The following PRDM16 variants were observed in gnomAD, a reference collection of about 807,000 sequenced individuals.
PRDM16 encodes PR/SET domain 16, also known as histone-lysine N-methyltransferase PRDM16.
A neutral mutation model predicts 110.6 loss-of-function variants in PRDM16; 23 were observed. The observed-to-expected ratio is 0.21, with a 90% confidence interval of 0.15 to 0.29. PRDM16 has a LOEUF of 0.29. Ranked by LOEUF, PRDM16 falls within the 10% of genes least tolerant of loss-of-function variation. PRDM16 has a pLI of 1.00. For missense variants in PRDM16, 1,615 were observed against 1,794.3 expected (o/e 0.90, Z 1.81); for synonymous variants, 799 against 781.8 (o/e 1.02, Z -0.37).
At chr1:3,329,373 C>T (rs988515508) in intron 3 of PRDM16, among the ~76,000 whole-genome samples, 1 of 152,182 alleles carries the variant, frequency 6.6e-6, no homozygotes, top group Admixed American at 6.5e-5. Context: ...CACCCCCCAC[C>T]CCTTCCCGAC....
At position 3,213,816 on chromosome 1, in the gene PRDM16, G is replaced by A. The variant is rs12065789; in HGVS notation, c.387+27342G>A. On this transcript the variant is annotated intron_variant, in intron 2 of 16. Transcript: ENST00000270722. The surrounding 1 kb of genome is among the most constrained non-coding windows in gnomAD (Gnocchi z 5.3). ...CCAGGGCCGTAGACCAAGGACTCCC[G>A]AGGCCAAGCCGGTGCCTTCCCAGGA... 7.3e-3 allele frequency among the ~76,000 whole-genome samples: 1,115 copies of A among 152,174 alleles called. 16 individuals are homozygous for A. The highest frequency in any genetic ancestry group is 0.025 in the African/African-American group (1,054 of 41,510).
chr1:3,261,963 C>G (rs1047324544), intron 3 of PRDM16, among the ~76,000 whole-genome samples: 1 of 152,248 alleles, frequency 6.6e-6, no homozygotes, highest in African/African-American at 2.4e-5. Context: ...CTTTCCTTTT[C>G]TAAGCCACCT....
At chr1:3,298,446 C>T (rs1025408291) in intron 3 of PRDM16, among the ~76,000 whole-genome samples, 2 of 152,196 alleles carry the variant, frequency 1.3e-5, no homozygotes, top group African/African-American at 4.8e-5. Context: ...CTTCGTTGCT[C>T]GATGGAGGCA....
At chr1:3,140,915 C>A (rs1008503015) in intron 1 of PRDM16, among the ~76,000 whole-genome samples, 1 of 152,164 alleles carries the variant, frequency 6.6e-6, no homozygotes, top group Non-Finnish European at 1.5e-5. Flanking sequence ...GAGAAGCAGG[C>A]GGTCGGAGAA....
At chr1:3,383,449 TCTGC>T (rs1345598975) in intron 3 of PRDM16, among the ~76,000 whole-genome samples, 1 of 152,178 alleles carries the variant, frequency 6.6e-6, no homozygotes, top group African/African-American at 2.4e-5. Flanking sequence ...CTCGAGGCCC[TCTGC>T]CTGTCTCTGC....
chr1:3,295,596 G>A (rs887737511), intron 3 of PRDM16, among the ~76,000 whole-genome samples: 8 of 152,166 alleles, frequency 5.3e-5, no homozygotes, highest in Non-Finnish European at 4.4e-5. Flanking sequence ...CCGTAACTCA[G>A]GAGCCGAGCG....
intron 2 of PRDM16, among the ~76,000 whole-genome samples, chr1:3,228,558 A>C (rs1639341887): frequency 6.6e-6 from 1 of 152,218 alleles, no homozygotes; most frequent in African/African-American, 2.4e-5. Context: ...CAAGATGGGC[A>C]TAAAGTTGAA....
At chr1:3,334,359 G>A (rs562699924) in intron 3 of PRDM16, among the ~76,000 whole-genome samples, 1 of 152,290 alleles carries the variant, frequency 6.6e-6, no homozygotes, top group African/African-American at 2.4e-5. Context: ...GGGCACAAAG[G>A]CCAGGGGGAG....
At chr1:3,303,221 C>T (rs1309733952) in intron 3 of PRDM16, among the ~76,000 whole-genome samples, 1 of 151,790 alleles carries the variant, frequency 6.6e-6, no homozygotes, top group Non-Finnish European at 1.5e-5. Context: ...GCAGCCCCTC[C>T]CAGTTTCTCC....
In PRDM16 at chr1:3,411,979, G is replaced by A; in HGVS notation, c.1782G>A (p.Arg594=). ...EDSCVEKLKT[R]SSDMSDGSDF... The stretch of plus-strand genomic sequence containing the variant: ...CCTGTGTGGAGAAGCTGAAGACCAG[G>A]AGCAGCGACATGTCGGACGGCAGTG... The change falls in exon 9 of 17, where the codon AGG becomes AGA. Residue 594 remains arginine, a synonymous_variant. Transcript: ENST00000270722. The A allele has an allele frequency of 1.2e-6, 2 of 1,613,682 alleles. No homozygotes were observed. Among genetic ancestry groups the A allele is most frequent in the Non-Finnish European group, 1.7e-6 (2 of 1,179,988 alleles).
chr1:3,162,662 CAG>C (rs1643909275), intron 1 of PRDM16, among the ~76,000 whole-genome samples: 1 of 152,246 alleles, frequency 6.6e-6, no homozygotes, highest in Non-Finnish European at 1.5e-5. Context: ...GGAGGCGAAT[CAG>C]GGAGCAGATG....
At chr1:3,343,503 A>C (rs1350711132) in intron 3 of PRDM16, among the ~76,000 whole-genome samples, 1 of 124,572 alleles carries the variant, frequency 8.0e-6, no homozygotes, top group Admixed American at 8.1e-5. Context: ...CTTTGTTCAG[A>C]CTTTTTTTTT....
chr1:3,309,105 A>G, intron 3 of PRDM16: 1 of 152,066 alleles, frequency 6.6e-6, no homozygotes, highest in Non-Finnish European at 1.5e-5. Flanking sequence ...CACTCATTCC[A>G]TCCCAGGTTT....
Position 3,431,053 on chromosome 1 carries a change from G to A in PRDM16, c.3466G>A (p.Glu1156Lys). The change falls in exon 15 of 17, where the codon GAG becomes AAG. Residue 1156 changes from glutamate (E) to lysine (K), a missense_variant. Glu to Lys is a moderately conservative substitution (Grantham distance 56, BLOSUM62 1). Transcript: ENST00000270722. The stretch of plus-strand genomic sequence containing the variant: ...CGAGCCCCAGGCCGCCTACGAGGAT[G>A]AGGAGGATGAGGAGCCAGCCGCCTC... ...APEPQAAYED[E>K]EDEEPAASLA... 2.6e-6 allele frequency: 4 copies of A among 1,556,588 alleles called. No individual in the cohort carries two copies. Among genetic ancestry groups the A allele is most frequent in the Non-Finnish European group, 3.5e-6 (4 of 1,150,348 alleles).
chr1:3,099,523 C>T (rs75724617), intron 1 of PRDM16, among the ~76,000 whole-genome samples: 11,555 of 152,274 alleles, frequency 0.076, 472 homozygotes, highest in African/African-American at 0.086. Flanking sequence ...TGGCATCCTG[C>T]GGGCGGCTCC....
At chr1:3,114,352 A>G (rs1302022422) in intron 1 of PRDM16, among the ~76,000 whole-genome samples, 2 of 143,952 alleles carry the variant, frequency 1.4e-5, no homozygotes, top group Non-Finnish European at 3.0e-5. Context: ...ACGCATGCAC[A>G]CATGCACACA....
At chr1:3,384,994 G>A (rs1643170826) in intron 3 of PRDM16, among the ~76,000 whole-genome samples, 158 bp from the exon 4 acceptor site, 1 of 152,204 alleles carries the variant, frequency 6.6e-6, no homozygotes, top group South Asian at 2.1e-4. Context: ...TGGGTGGGCT[G>A]GGAGCCCCGC....
rs1316865819 is a variant in PRDM16, at chr1:3,390,357, G to A, written c.573+5071G>A. Among the ~76,000 whole-genome samples, 3 of 152,138 alleles carry A rather than the reference G, an allele frequency of 2.0e-5. No individual in the cohort carries two copies. The highest frequency in any genetic ancestry group is 4.8e-5 in the African/African-American group (2 of 41,432). ...GACTCAGGGGTGCGGGCCCCCCAGC[G>A]TACCACGGAACGGCTGTAGGGCTCT... On this transcript the variant is annotated intron_variant, in intron 4 of 16. Transcript: ENST00000270722. This position sits in a 1 kb window ranked among gnomAD's most constrained non-coding sequence, Gnocchi z 5.0.
At chr1:3,089,351 G>T (rs913817648) in intron 1 of PRDM16, among the ~76,000 whole-genome samples, 5 of 152,206 alleles carry the variant, frequency 3.3e-5, no homozygotes, top group African/African-American at 9.7e-5. Context: ...ACCCCCCACC[G>T]GGGCTGTGAC....
Sources: allele counts gnomAD v4.1 joint callset (sites outside exome capture counted in the v4.1 genomes callset), GRCh38; gene constraint gnomAD v4.1.1; non-coding constraint Gnocchi (gnomAD v3.1); transcripts MANE v1.5; gene names NCBI Gene and HGNC (gene_info 2026-07-23, HGNC 2026-07-21).